Variants in SLC30A8 observed in about 807,000 individuals in gnomAD.
The protein encoded by SLC30A8 is solute carrier family 30 member 8, also known as proton-coupled zinc antiporter SLC30A8.
Under a neutral mutation model 36.9 loss-of-function variants are expected in SLC30A8, and 27 were observed. The observed-to-expected ratio is 0.73, with a 90% confidence interval of 0.54 to 1.01. The LOEUF is 1.01. Ranked by LOEUF, SLC30A8 falls within the 50% of genes least tolerant of loss-of-function variation. The probability of loss-of-function intolerance (pLI) is 0.00; values close to 1 mark genes in which losing one functional copy is unlikely to be tolerated. For missense variants in SLC30A8, 439 were observed against 452.0 expected (o/e 0.97, Z 0.26); for synonymous variants, 164 against 172.4 (o/e 0.95, Z 0.38).
At chr8:116,956,790 A>G (rs1270577121) in intron 1 of SLC30A8, among the ~76,000 whole-genome samples, 2 of 152,236 alleles carry the variant, frequency 1.3e-5, no homozygotes, top group Admixed American at 6.5e-5. Context: ...AATTAAATTC[A>G]TCATCAAGGC....
chr8:116,999,078 G>A (rs1815917034), intron 1 of SLC30A8, among the ~76,000 whole-genome samples: 1 of 152,152 alleles, frequency 6.6e-6, no homozygotes, highest in African/African-American at 2.4e-5. Flanking sequence ...GGCCAACATG[G>A]TGAAACCCTG....
intron 1 of SLC30A8, among the ~76,000 whole-genome samples, chr8:116,964,444 G>T (rs1396280426): frequency 2.6e-5 from 4 of 152,252 alleles, no homozygotes; most frequent in African/African-American, 9.6e-5. Flanking sequence ...GAACTATTTT[G>T]TGGCTCTAAA....
intron 1 of SLC30A8, among the ~76,000 whole-genome samples, chr8:117,019,222 C>T (rs1415538352): frequency 6.6e-6 from 1 of 152,200 alleles, no homozygotes; most frequent in Non-Finnish European, 1.5e-5. Context: ...AGCACAAGGC[C>T]TGGCAATAGC....
chr8:117,159,776 A>G (rs1409048310), intron 4 of SLC30A8, among the ~76,000 whole-genome samples: 1 of 152,194 alleles, frequency 6.6e-6, no homozygotes, highest in East Asian at 1.9e-4. Flanking sequence ...ACTTCCTGAG[A>G]GTCATATGTC....
At chr8:117,109,053 G>A (rs1035991671) in intron 2 of SLC30A8, among the ~76,000 whole-genome samples, 7 of 152,118 alleles carry the variant, frequency 4.6e-5, no homozygotes, top group East Asian at 3.9e-4. Context: ...AAAAGAAGGC[G>A]TCTTGACTGA....
chr8:117,029,952 A>G (rs981727831), intron 1 of SLC30A8, among the ~76,000 whole-genome samples: 4 of 152,202 alleles, frequency 2.6e-5, no homozygotes, highest in Non-Finnish European at 5.9e-5. Context: ...TAATGGTGCA[A>G]TGTTTGTTTG....
chr8:117,005,825 A>G (rs991135525), intron 1 of SLC30A8, among the ~76,000 whole-genome samples: 7 of 152,204 alleles, frequency 4.6e-5, no homozygotes, highest in African/African-American at 1.7e-4. Flanking sequence ...AATTTCGTCA[A>G]CTTCATGAAA....
chr8:117,049,210 T>C (rs2130769332), intron 2 of SLC30A8, among the ~76,000 whole-genome samples: 1 of 152,322 alleles, frequency 6.6e-6, no homozygotes, highest in Middle Eastern at 3.4e-3. Flanking sequence ...TTTTATTCTG[T>C]CTACCCTGCA....
At chr8:117,079,609 C>T (rs2130809777) in intron 2 of SLC30A8, among the ~76,000 whole-genome samples, 1 of 152,062 alleles carries the variant, frequency 6.6e-6, no homozygotes. Flanking sequence ...GGCATTTGAC[C>T]CAATGGGGTA....
chr8:117,172,612 C>T lies in SLC30A8; in HGVS notation c.1041C>T (p.Leu347=). The T allele has an allele frequency of 6.2e-7, 1 of 1,613,772 alleles. No individual in the cohort carries two copies. The highest frequency in any genetic ancestry group is 8.5e-7 in the Non-Finnish European group (1 of 1,179,728). The change falls in exon 8 of 8, where the codon CTC becomes CTT. Residue 347 remains leucine, a synonymous_variant. Coordinates refer to ENST00000456015, the MANE Select transcript of SLC30A8 (RefSeq NM_173851.3). ...ALSKSFTMHS[L]TIQMESPVDQ... is the part of the protein sequence containing the mutation. ...GCAAAAGCTTTACGATGCACTCACTCACCATTCAGATGGAATCTCCAGTTG... is the reference window on the plus strand; with the variant it reads ...GCAAAAGCTTTACGATGCACTCACTTACCATTCAGATGGAATCTCCAGTTG...
chr8:117,154,721 T>C (rs1369979743), intron 3 of SLC30A8, among the ~76,000 whole-genome samples: 6 of 152,208 alleles, frequency 3.9e-5, no homozygotes, highest in Non-Finnish European at 2.9e-5. Context: ...ATTATTTGTC[T>C]GTGTAAAGTT....
intron 2 of SLC30A8, among the ~76,000 whole-genome samples, chr8:117,114,161 T>G (rs373962688): frequency 6.6e-6 from 1 of 152,154 alleles, no homozygotes; most frequent in East Asian, 1.9e-4. Context: ...AAGCTCTTTT[T>G]CTTTCCAAAC....
chr8:117,161,482 C>CA lies in SLC30A8; in HGVS notation c.573-254dup, dbSNP rs569613683. ...TCTAAGAAGTGATGCTTTCCAGTTT[C>CA]AACATGAAACAGATAAACATTAGGT... On this transcript the variant is annotated intron_variant, in intron 4 of 7. Coordinates refer to ENST00000456015, the MANE Select transcript of SLC30A8 (RefSeq NM_173851.3). 1.8e-4 allele frequency among the ~76,000 whole-genome samples: 27 copies of CA among 152,262 alleles called. 2 individuals are homozygous for CA. In the East Asian group the frequency reaches 5.2e-3, roughly 29 times the overall value.
rs143886920 is a variant in SLC30A8 at position 117,092,726 on chromosome 8, C to T, written c.-225-42554C>T. Among the ~76,000 whole-genome samples the T allele has an allele frequency of 1.2e-3, 179 of 152,284 alleles. 4 individuals are homozygous for T. In the East Asian group the frequency reaches 0.026, roughly 22 times the overall value. On this transcript the variant is annotated intron_variant, in intron 2 of 10. Transcript: ENST00000427715. ...GTGCCCTTATAGTGAGACCCTGGTA[C>T]AAGCTGGGGAGGTTCCTCGTCTTGT...
chr8:117,141,195 G>T (rs1320545040), intron 1 of SLC30A8, among the ~76,000 whole-genome samples: 1 of 151,924 alleles, frequency 6.6e-6, no homozygotes, highest in Non-Finnish European at 1.5e-5. Context: ...ATATTCTGCT[G>T]ATAGCAAAAA....
At chr8:117,055,446 T>C (rs966103471) in intron 2 of SLC30A8, among the ~76,000 whole-genome samples, 1 of 152,200 alleles carries the variant, frequency 6.6e-6, no homozygotes, top group African/African-American at 2.4e-5. Flanking sequence ...CTGGGCTGCA[T>C]AGCATGACTT....
At chr8:117,091,428 T>C (rs1031177709) in intron 2 of SLC30A8, among the ~76,000 whole-genome samples, 10 of 152,224 alleles carry the variant, frequency 6.6e-5, no homozygotes, top group African/African-American at 2.4e-4. Flanking sequence ...TTACTAAATA[T>C]CTGTGTGTTT....
chr8:117,154,626 T>A (rs1822379549), intron 3 of SLC30A8, among the ~76,000 whole-genome samples: 1 of 152,154 alleles, frequency 6.6e-6, no homozygotes, highest in Non-Finnish European at 1.5e-5. Context: ...GTAAAGAGAG[T>A]TTGTGACAAC....
At chr8:117,124,746 T>C (rs992903076) in intron 2 of SLC30A8, among the ~76,000 whole-genome samples, 18 of 151,196 alleles carry the variant, frequency 1.2e-4, no homozygotes, top group Non-Finnish European at 2.7e-4. Flanking sequence ...AGCTAAACAT[T>C]GAGCACATTA....
Sources: allele counts gnomAD v4.1 joint callset (sites outside exome capture counted in the v4.1 genomes callset), GRCh38; gene constraint gnomAD v4.1.1; transcripts MANE v1.5; gene names NCBI Gene and HGNC (gene_info 2026-07-23, HGNC 2026-07-21).